THSD7B: variants seen among roughly 807,000 people sequenced by gnomAD.
The protein encoded by THSD7B is thrombospondin type 1 domain containing 7B, also known as thrombospondin type-1 domain-containing protein 7B.
Under a neutral mutation model 213.6 loss-of-function variants are expected in THSD7B, and 138 were observed. The ratio of observed to expected loss-of-function variants is 0.65; its 90% CI spans 0.56 to 0.74. The LOEUF (loss-of-function observed/expected upper bound fraction) is 0.74, where lower values mean the gene tolerates loss of function less well. Among genes scored for constraint, THSD7B ranks in the 30% least tolerant of loss-of-function variants. The pLI, the probability that THSD7B is intolerant of heterozygous loss-of-function variation, is 0.00. For synonymous variants in THSD7B, 742 were observed against 687.0 expected (o/e 1.08, Z -1.25); for missense variants, 1,931 against 1,991.5 (o/e 0.97, Z 0.58).
chr2:137,450,194 T>C (rs1250299924), intron 14 of THSD7B, among the ~76,000 whole-genome samples: 4 of 152,138 alleles, frequency 2.6e-5, no homozygotes, highest in African/African-American at 9.7e-5. Context: ...AACAGTGAGA[T>C]TATCCAGAGA....
chr2:137,329,511 G>A (rs1317921048), intron 12 of THSD7B, among the ~76,000 whole-genome samples: 1 of 152,006 alleles, frequency 6.6e-6, no homozygotes, highest in Non-Finnish European at 1.5e-5. Context: ...GATTATAGGT[G>A]CCTGCCACTA....
At chr2:137,579,750 T>A (rs1358259801) in intron 17 of THSD7B, among the ~76,000 whole-genome samples, 1 of 152,188 alleles carries the variant, frequency 6.6e-6, no homozygotes, top group Non-Finnish European at 1.5e-5. Flanking sequence ...TGGAATTCAG[T>A]ACTTTCAAGT....
chr2:137,007,568 T>TG (rs1686141667), intron 2 of THSD7B, among the ~76,000 whole-genome samples: 1 of 152,128 alleles, frequency 6.6e-6, no homozygotes, highest in African/African-American at 2.4e-5. Context: ...AAATTTGAAT[T>TG]GGTGAGTGAT....
At chr2:137,073,345 G>A (rs1306146895) in intron 3 of THSD7B, among the ~76,000 whole-genome samples, 1 of 152,180 alleles carries the variant, frequency 6.6e-6, no homozygotes, top group African/African-American at 2.4e-5. Context: ...GGATGTATGT[G>A]TCGAGGAATT....
intron 21 of THSD7B, among the ~76,000 whole-genome samples, chr2:137,651,286 A>G (rs1035769353): frequency 6.6e-6 from 1 of 151,804 alleles, no homozygotes; most frequent in African/African-American, 2.4e-5. Flanking sequence ...CTATTTCTTC[A>G]TGGTTCAATC....
intron 15 of THSD7B, among the ~76,000 whole-genome samples, chr2:137,504,025 C>CAAA (rs1317714145): frequency 1.2e-5 from 1 of 81,248 alleles, no homozygotes; most frequent in Admixed American, 1.5e-4. Flanking sequence ...GACTCCATCT[C>CAAA]AAAAAAAAAA....
At chr2:137,439,780 C>T (rs1687363972) in intron 14 of THSD7B, among the ~76,000 whole-genome samples, 2 of 152,108 alleles carry the variant, frequency 1.3e-5, no homozygotes, top group Admixed American at 6.5e-5. Flanking sequence ...GAAAACTTTT[C>T]GAGGTACATT....
intron 2 of THSD7B, among the ~76,000 whole-genome samples, chr2:136,999,605 C>T (rs1406647283): frequency 6.6e-6 from 1 of 151,896 alleles, no homozygotes; most frequent in Non-Finnish European, 1.5e-5. Flanking sequence ...ATCTAAAAGT[C>T]TGTTTCCCTA....
intron 10 of THSD7B, among the ~76,000 whole-genome samples, chr2:137,267,843 C>G (rs1682632527): frequency 6.6e-6 from 1 of 152,178 alleles, no homozygotes; most frequent in African/African-American, 2.4e-5. Context: ...AGTGGCAAAG[C>G]CACTATCCTC....
intron 3 of THSD7B, among the ~76,000 whole-genome samples, chr2:137,090,670 C>A (rs903125854): frequency 3.9e-5 from 6 of 152,084 alleles, no homozygotes; most frequent in African/African-American, 1.4e-4. Flanking sequence ...TCTAAAAAGG[C>A]AAATCAACAG....
At chr2:137,473,263 A>G (rs1477350600) in intron 15 of THSD7B, among the ~76,000 whole-genome samples, 3 of 151,928 alleles carry the variant, frequency 2.0e-5, no homozygotes, top group Non-Finnish European at 4.4e-5. Context: ...TCTGTTGCCC[A>G]GGCTGGAGTG....
rs546135516 is a variant in THSD7B at position 137,386,869 on chromosome 2, C to T, written c.2501-18744C>T. 6.6e-5 allele frequency among the ~76,000 whole-genome samples: 10 copies of T among 152,260 alleles called. No individual in the cohort carries two copies. In the South Asian group the frequency reaches 1.7e-3, roughly 25 times the overall value. ...TAAGAGGGCTGCCTGACTATCCTAC[C>T]GTTAACAGCAATTCTTTTTAAAAAA... On this transcript the variant is annotated intron_variant, in intron 12 of 27. Coordinates refer to ENST00000409968, the MANE Select transcript of THSD7B (RefSeq NM_001316349.2).
At chr2:137,524,388 G>A (rs561058437) in intron 15 of THSD7B, among the ~76,000 whole-genome samples, 2 of 152,196 alleles carry the variant, frequency 1.3e-5, no homozygotes, top group African/African-American at 4.8e-5. Context: ...GCAGGTTAGA[G>A]CTTACTGTTC....
At chr2:137,038,096 T>G (rs977460992) in intron 2 of THSD7B, among the ~76,000 whole-genome samples, 3 of 152,226 alleles carry the variant, frequency 2.0e-5, no homozygotes, top group African/African-American at 7.2e-5. Context: ...TTTTCCTTAT[T>G]ATGCATTTTG....
rs577616712 is a variant in THSD7B at position 137,236,388 on chromosome 2, C to T, written c.2150+3255C>T. Among the ~76,000 whole-genome samples the T allele has an allele frequency of 1.3e-4, 20 of 152,210 alleles. 2 individuals are homozygous for T. The South Asian group carries it at 2.3e-3, about 17-fold the overall frequency. ...TACAGGTGAGACTGTTACCATTGTA[C>T]GAGTAATCGAACTGATCATATCAGA... On this transcript the variant is annotated intron_variant, in intron 9 of 27. Coordinates refer to ENST00000409968, the MANE Select transcript of THSD7B (RefSeq NM_001316349.2).
Position 137,467,212 on chromosome 2 carries a change from A to G in THSD7B, c.3138+16189A>G, listed in dbSNP as rs187068113. Among the ~76,000 whole-genome samples, 4 of 152,286 alleles carry G rather than the reference A, an allele frequency of 2.6e-5. No homozygotes were observed. In the East Asian group the frequency reaches 5.8e-4, roughly 22 times the overall value. ...AGAAATCTATAATATTTGTCTGACG[A>G]ACTGGGATACATGTTCAGAACTGCT... On this transcript the variant is annotated intron_variant, in intron 15 of 27. Coordinates refer to ENST00000409968, the MANE Select transcript of THSD7B (RefSeq NM_001316349.2).
rs530807755 is a variant in THSD7B, at chr2:137,437,981, A to T, written c.2960-12864A>T. ...GACATTTGATCTTCTTAAATATGGAATTTCTCAAAATGAAACTGTCTTCCC... is the reference window on the plus strand; with the variant it reads ...GACATTTGATCTTCTTAAATATGGATTTTCTCAAAATGAAACTGTCTTCCC... On this transcript the variant is annotated intron_variant, in intron 14 of 27. Transcript: ENST00000409968. 2.6e-5 allele frequency among the ~76,000 whole-genome samples: 4 copies of T among 152,230 alleles called. No homozygotes were observed. In the East Asian group the frequency reaches 7.7e-4, roughly 29 times the overall value.
intron 7 of THSD7B, among the ~76,000 whole-genome samples, chr2:137,177,257 A>G (rs988427107): frequency 6.6e-6 from 1 of 152,182 alleles, no homozygotes; most frequent in Admixed American, 6.5e-5. Flanking sequence ...TGGGTAACAT[A>G]CATCATCATC....
At chr2:136,876,908 C>T (rs899043905) in intron 1 of THSD7B, among the ~76,000 whole-genome samples, 12 of 152,162 alleles carry the variant, frequency 7.9e-5, no homozygotes, top group Non-Finnish European at 1.2e-4. Flanking sequence ...TCTCCTAACA[C>T]GCTCTGGGGT....
Sources: allele counts gnomAD v4.1 joint callset (sites outside exome capture counted in the v4.1 genomes callset), GRCh38; gene constraint gnomAD v4.1.1; transcripts MANE v1.5; gene names NCBI Gene and HGNC (gene_info 2026-07-23, HGNC 2026-07-21).